Variants in PTPRK observed in about 807,000 individuals in gnomAD.
PTPRK encodes the protein protein tyrosine phosphatase receptor type K.
Under a neutral mutation model 178.0 loss-of-function variants are expected in PTPRK, and 75 were observed. The ratio of observed to expected loss-of-function variants is 0.42; its 90% CI spans 0.35 to 0.51. PTPRK has a LOEUF of 0.51. PTPRK is among the 20% of genes least tolerant of loss of function. The pLI is 0.02. For missense variants in PTPRK, 1,441 were observed against 1,797.8 expected (o/e 0.80, Z 3.59); for synonymous variants, 637 against 620.6 (o/e 1.03, Z -0.39).
At chr6:128,115,937 G>A (rs904272966) in intron 7 of PTPRK, among the ~76,000 whole-genome samples, 22 of 151,958 alleles carry the variant, frequency 1.4e-4, no homozygotes, top group African/African-American at 5.3e-4. Context: ...ACACAGAGCG[G>A]TATACATTCA....
intron 2 of PTPRK, among the ~76,000 whole-genome samples, chr6:128,396,195 G>A (rs1229329141): frequency 6.6e-6 from 1 of 150,514 alleles, no homozygotes; most frequent in Non-Finnish European, 1.5e-5. Flanking sequence ...CACTCAAGAA[G>A]GACTTACTCT....
rs558285844 is a variant in PTPRK, at chr6:128,456,216, CA to C, written c.101-58529del. 1.2e-4 allele frequency among the ~76,000 whole-genome samples: 18 copies of C among 152,090 alleles called. No individual in the cohort carries two copies. In the East Asian group the frequency reaches 3.1e-3, roughly 26 times the overall value. On this transcript the variant is annotated intron_variant, in intron 1 of 29. Coordinates refer to ENST00000368226, the MANE Select transcript of PTPRK (RefSeq NM_002844.4). ...GATCATAACAAGATTTTTCAACAAA[CA>C]GACTTAAATTACCCACTATGTGCCA...
At chr6:128,282,832 C>T (rs1266653587) in intron 3 of PTPRK, among the ~76,000 whole-genome samples, 1 of 152,040 alleles carries the variant, frequency 6.6e-6, no homozygotes, top group Non-Finnish European at 1.5e-5. Context: ...ACAAACATCA[C>T]TTATTTATCA....
At chr6:128,250,115 C>T (rs1466498181) in intron 3 of PTPRK, among the ~76,000 whole-genome samples, 1 of 152,210 alleles carries the variant, frequency 6.6e-6, no homozygotes, top group Non-Finnish European at 1.5e-5. Flanking sequence ...TGCCTTTCAC[C>T]TTCCACCATG....
At chr6:128,089,657 TC>T in intron 8 of PTPRK, 32 bp downstream of exon 8, 1 of 1,540,588 alleles carries the variant, frequency 6.5e-7, no homozygotes, top group Non-Finnish European at 9.0e-7. Context: ...GTTAGAGAAT[TC>T]CCCCCTTTTA....
At chr6:128,042,568 T>C (rs1777371380) in intron 13 of PTPRK, among the ~76,000 whole-genome samples, 1 of 152,096 alleles carries the variant, frequency 6.6e-6, no homozygotes, top group African/African-American at 2.4e-5. Context: ...TTGATTCTGC[T>C]ACCTCACATG....
intron 1 of PTPRK, among the ~76,000 whole-genome samples, chr6:128,465,811 AC>A (rs893607332): frequency 1.3e-5 from 2 of 151,960 alleles, no homozygotes; most frequent in African/African-American, 4.8e-5. Flanking sequence ...TACTTACCAA[AC>A]TCAACCATAC....
At chr6:128,237,073 A>AC (rs772722903) in intron 5 of PTPRK, among the ~76,000 whole-genome samples, 6 of 152,226 alleles carry the variant, frequency 3.9e-5, no homozygotes, top group Non-Finnish European at 8.8e-5. Flanking sequence ...TTTTTCCATA[A>AC]CAAATTATTT....
Position 128,520,301 on chromosome 6 carries a change from G to C in PTPRK, c.58C>G (p.Pro20Ala). ...TGGGCCGATCCCAGGAGAGGCCAAG[G>C]AGAGAGGAGCAAGAGCGCCACAAAA... ...PAFVALLLLS[P>A]WPLLGSAQGQ... The change falls in exon 1 of 30, where the codon CCT (proline) becomes GCT (alanine). Residue 20 changes from proline to alanine, a missense_variant. This residue lies in a region of PTPRK where 158 missense variants were observed against 188.0 expected (regional missense o/e 0.84). Coordinates refer to ENST00000368226, the MANE Select transcript of PTPRK (RefSeq NM_002844.4). 1 of 1,610,180 alleles carries C rather than the reference G, an allele frequency of 6.2e-7. No individual in the cohort carries two copies. Among genetic ancestry groups the C allele is most frequent in the Non-Finnish European group, 8.5e-7 (1 of 1,178,222 alleles).
At chr6:128,264,531 C>T (rs865879959) in intron 3 of PTPRK, among the ~76,000 whole-genome samples, 5 of 151,900 alleles carry the variant, frequency 3.3e-5, no homozygotes, top group African/African-American at 4.8e-5. Context: ...TGTCCAGGCT[C>T]GAGTGCAGTG....
At chr6:128,098,029 G>T (rs897141197) in intron 7 of PTPRK, among the ~76,000 whole-genome samples, 8 of 152,088 alleles carry the variant, frequency 5.3e-5, no homozygotes, top group Non-Finnish European at 1.2e-4. Context: ...ATCCCTAAAA[G>T]AAGATAAATT....
intron 7 of PTPRK, among the ~76,000 whole-genome samples, chr6:128,134,282 C>T (rs1187899799): frequency 3.9e-5 from 6 of 152,070 alleles, no homozygotes; most frequent in African/African-American, 1.2e-4. Flanking sequence ...TCTCAGAGCC[C>T]GTATTTTTTG....
In PTPRK at chr6:128,169,600, T is replaced by C. The variant is rs533752326; in HGVS notation, c.1162+14832A>G. On this transcript the variant is annotated intron_variant, in intron 7 of 29. Transcript: ENST00000368226. ...TCACATAGGGTATTTTTTATTGTTA[T>C]TTCATCATACCTTGATTCTCTCATT... is the stretch of plus-strand genomic sequence containing the variant. Among the ~76,000 whole-genome samples the C allele has an allele frequency of 1.7e-3, 263 of 152,198 alleles. 1 individual carries two copies. The highest frequency in any genetic ancestry group is 6.0e-3 in the African/African-American group (250 of 41,572).
chr6:128,482,210 CG>C (rs1373147176), intron 1 of PTPRK, among the ~76,000 whole-genome samples: 20 of 152,054 alleles, frequency 1.3e-4, no homozygotes, highest in African/African-American at 4.8e-4. Flanking sequence ...TCTTTTAAGA[CG>C]TGAAGTATAA....
intron 3 of PTPRK, among the ~76,000 whole-genome samples, chr6:128,307,936 C>T (rs1296537533): frequency 6.6e-6 from 1 of 152,138 alleles, no homozygotes; most frequent in Non-Finnish European, 1.5e-5. Context: ...AGCAATATCA[C>T]TACTTAGCAA....
At chr6:128,011,991 T>C (rs1010915006) in intron 13 of PTPRK, among the ~76,000 whole-genome samples, 3 of 151,232 alleles carry the variant, frequency 2.0e-5, no homozygotes, top group African/African-American at 4.8e-5. Context: ...AAGTTATTTA[T>C]TTGAGTTGGG....
At chr6:128,328,538 A>G (rs78367096) in intron 2 of PTPRK, among the ~76,000 whole-genome samples, 2,053 of 152,302 alleles carry the variant, frequency 0.013, 46 homozygotes, top group African/African-American at 0.045. Flanking sequence ...TTCCAAACAT[A>G]AGGATTTAAT....
intron 7 of PTPRK, among the ~76,000 whole-genome samples, chr6:128,177,317 T>A (rs1006764516): frequency 1.3e-5 from 2 of 151,732 alleles, no homozygotes; most frequent in African/African-American, 4.8e-5. Context: ...CTTCCTGATA[T>A]CAAATAAAAA....
At chr6:128,279,624 T>TCTTA (rs1222767321) in intron 3 of PTPRK, among the ~76,000 whole-genome samples, 2 of 151,896 alleles carry the variant, frequency 1.3e-5, no homozygotes, top group African/African-American at 4.8e-5. Flanking sequence ...AAGAAAACAC[T>TCTTA]CTTACCAAGT....
Sources: gnomAD v4.1 joint callset for allele counts (sites outside exome capture counted in the v4.1 genomes callset) on GRCh38, gnomAD v4.1.1 for gene constraint, gnomAD v4.1.1 regional missense constraint, MANE v1.5 for transcripts, NCBI Gene and HGNC (gene_info 2026-07-23, HGNC 2026-07-21) for gene names.